Variants in WASF2 observed in about 807,000 individuals in gnomAD.
WASF2 encodes actin-binding protein WASF2.
Under a neutral mutation model 45.0 loss-of-function variants are expected in WASF2, and 14 were observed. The ratio of observed to expected loss-of-function variants is 0.31; its 90% CI spans 0.21 to 0.49. The LOEUF (loss-of-function observed/expected upper bound fraction) is 0.49, where lower values mean the gene tolerates loss of function less well. WASF2 is among the 20% of genes least tolerant of loss of function. The probability of loss-of-function intolerance (pLI) is 0.99; values close to 1 mark genes in which losing one functional copy is unlikely to be tolerated. For synonymous variants in WASF2, 200 were observed against 236.3 expected (o/e 0.85, Z 1.41); for missense variants, 439 against 636.1 (o/e 0.69, Z 3.33).
intron 1 of WASF2, chr1:27,459,443 T>C (rs2017516464): frequency 6.6e-6 from 1 of 152,138 alleles, no homozygotes; most frequent in Non-Finnish European, 1.5e-5. Context: ...CATTGAGCCA[T>C]CCTGCTGGGC....
Position 27,410,266 on chromosome 1 carries a change from A to G in WASF2, c.825-60T>C. 6.3e-7 allele frequency: 1 copy of G among 1,597,536 alleles called. No individual in the cohort carries two copies. Among genetic ancestry groups the G allele is most frequent in the South Asian group, 1.1e-5 (1 of 89,190 alleles). On this transcript the variant is annotated intron_variant, in intron 7 of 8. Coordinates refer to ENST00000618852, the MANE Select transcript of WASF2 (RefSeq NM_006990.5). The surrounding 1 kb of genome is among the most constrained non-coding windows in gnomAD (Gnocchi z 4.2). ...CCTTAGAATGCAGACACCTATCTAC[A>G]GTTAGCCTTGTCTACAGACCGAGGT...
chr1:27,450,886 GT>G (rs1402362549), intron 1 of WASF2, among the ~76,000 whole-genome samples: 2 of 151,310 alleles, frequency 1.3e-5, no homozygotes, highest in African/African-American at 4.9e-5. Context: ...GGTAGAGCTG[GT>G]GAAAATCTGG....
chr1:27,482,186 A>G (rs2017860737), intron 1 of WASF2, among the ~76,000 whole-genome samples: 1 of 152,200 alleles, frequency 6.6e-6, no homozygotes, highest in Non-Finnish European at 1.5e-5. Flanking sequence ...GACATGAATG[A>G]TTATAATGTT....
At chr1:27,429,416 A>G (rs2017031339) in intron 1 of WASF2, among the ~76,000 whole-genome samples, 1 of 152,252 alleles carries the variant, frequency 6.6e-6, no homozygotes, top group Non-Finnish European at 1.5e-5. Flanking sequence ...CAAGCTGCCA[A>G]TAGTGATTGA....
In WASF2 at chr1:27,449,163, T is replaced by C. The variant is rs116576044; in HGVS notation, c.-43-20230A>G. Among the ~76,000 whole-genome samples, 591 of 152,310 alleles carry C rather than the reference T, an allele frequency of 3.9e-3. 4 individuals carry two copies. The highest frequency in any genetic ancestry group is 0.013 in the African/African-American group (557 of 41,556). ...CTAAATATCCATAACACGTTGTCCA[T>C]GTCTATACCATCACACGGGATTAAA... is the stretch of plus-strand genomic sequence containing the variant. On this transcript the variant is annotated intron_variant, in intron 1 of 8. Transcript: ENST00000618852.
intron 1 of WASF2, among the ~76,000 whole-genome samples, chr1:27,437,896 A>C (rs1331858840): frequency 6.6e-6 from 1 of 152,204 alleles, no homozygotes; most frequent in African/African-American, 2.4e-5. Context: ...CCACACACAA[A>C]ACAAAAAAAG....
At chr1:27,440,874 T>A (rs192251051) in intron 1 of WASF2, among the ~76,000 whole-genome samples, 2 of 152,126 alleles carry the variant, frequency 1.3e-5, no homozygotes, top group East Asian at 3.9e-4. Context: ...CATAACACTT[T>A]TTTTTTTTTG....
Position 27,416,539 on chromosome 1 carries a change from G to A in WASF2, c.420-437C>T, listed in dbSNP as rs190189370. On this transcript the variant is annotated intron_variant, in intron 4 of 8. Coordinates refer to ENST00000618852, the MANE Select transcript of WASF2 (RefSeq NM_006990.5). The stretch of plus-strand genomic sequence containing the variant: ...GTAGCTTCCCACCCACTGGAAACCT[G>A]TGTGCACATGTGGGAGTTCATGTGT... 1.0e-3 allele frequency among the ~76,000 whole-genome samples: 154 copies of A among 152,220 alleles called. 1 individual carries two copies. The highest frequency in any genetic ancestry group is 1.8e-3 in the Non-Finnish European group (123 of 68,040).
intron 1 of WASF2, among the ~76,000 whole-genome samples, chr1:27,467,304 G>A (rs1269699571): frequency 2.0e-5 from 3 of 147,432 alleles, no homozygotes; most frequent in Non-Finnish European, 4.5e-5. Context: ...AAAGTTTTTC[G>A]TTTGTTTGTT....
At chr1:27,471,421 G>A (rs377238806) in intron 1 of WASF2, among the ~76,000 whole-genome samples, 4 of 151,670 alleles carry the variant, frequency 2.6e-5, no homozygotes, top group East Asian at 3.9e-4. Context: ...GAGAAGCTGT[G>A]ACGGAAGAAT....
chr1:27,413,300 G>A (rs369186857), intron 6 of WASF2, among the ~76,000 whole-genome samples: 5 of 152,190 alleles, frequency 3.3e-5, no homozygotes, highest in East Asian at 3.8e-4. Flanking sequence ...GATTAAAGTA[G>A]CGTGCTAGGG....
intron 1 of WASF2, among the ~76,000 whole-genome samples, chr1:27,451,996 C>T (rs1480970637): frequency 6.6e-6 from 1 of 152,190 alleles, no homozygotes; most frequent in Non-Finnish European, 1.5e-5. Context: ...AAACATCTTA[C>T]TGCACTGTAT....
chr1:27,408,173 C>T lies in WASF2; in HGVS notation c.*16G>A, dbSNP rs1341147158. Reference sequence around the variant, plus strand: ...AGGAAGGAAAGAAAAAGAAGGTGGGCAGCAGGCAGAAAGAGTTAATCGGAC... The same window carrying T: ...AGGAAGGAAAGAAAAAGAAGGTGGGTAGCAGGCAGAAAGAGTTAATCGGAC... On this transcript the variant is annotated 3_prime_UTR_variant, in exon 9 of 9. Coordinates refer to ENST00000618852, the MANE Select transcript of WASF2 (RefSeq NM_006990.5). 1.9e-6 allele frequency: 3 copies of T among 1,604,100 alleles called. No homozygotes were observed. Among genetic ancestry groups the T allele is most frequent in the Non-Finnish European group, 2.6e-6 (3 of 1,172,514 alleles).
chr1:27,484,391 C>T (rs930040237), intron 1 of WASF2, among the ~76,000 whole-genome samples: 2 of 152,102 alleles, frequency 1.3e-5, no homozygotes, highest in African/African-American at 4.8e-5. Flanking sequence ...AATAAAAATA[C>T]TCAAAATTAA....
rs202185200 is a variant in WASF2 at position 27,445,498 on chromosome 1, G to GA, written c.-43-16566dup. ...ATTCCAGACTAGTTTATCTCCCATG[G>GA]AAAAAAGACTGCATGCTAACACAAG... On this transcript the variant is annotated intron_variant, in intron 1 of 8. Coordinates refer to ENST00000618852, the MANE Select transcript of WASF2 (RefSeq NM_006990.5). Among the ~76,000 whole-genome samples, 1,189 of 152,188 alleles carry GA rather than the reference G, an allele frequency of 7.8e-3. 61 individuals are homozygous for GA. The highest frequency in any genetic ancestry group is 0.072 in the Admixed American group (1,101 of 15,286).
intron 4 of WASF2, 82 bp from the exon 5 acceptor site, chr1:27,416,184 T>A (rs2016824126): frequency 8.5e-7 from 1 of 1,180,758 alleles, no homozygotes; most frequent in Non-Finnish European, 1.3e-6. Flanking sequence ...ACCTACCAGT[T>A]AGCAGTTTTT....
chr1:27,487,721 CATT>C (rs1158312474), intron 1 of WASF2, among the ~76,000 whole-genome samples: 16 of 106,214 alleles, frequency 1.5e-4, no homozygotes, highest in Non-Finnish European at 5.2e-5. Flanking sequence ...TAATGTATAT[CATT>C]ATATTATATA....
At chr1:27,430,463 C>T (rs780987485) in intron 1 of WASF2, among the ~76,000 whole-genome samples, 12 of 152,084 alleles carry the variant, frequency 7.9e-5, no homozygotes, top group Admixed American at 2.0e-4. Flanking sequence ...TGGGCTCAAG[C>T]GATCCTCCTG....
chr1:27,413,135 C>T (rs2016786183), intron 6 of WASF2, among the ~76,000 whole-genome samples: 1 of 152,206 alleles, frequency 6.6e-6, no homozygotes, highest in African/African-American at 2.4e-5. Context: ...ACGTGACTGG[C>T]ACACAGACTG....
Sources: gnomAD v4.1 joint callset for allele counts (sites outside exome capture counted in the v4.1 genomes callset) on GRCh38, gnomAD v4.1.1 for gene constraint, Gnocchi (gnomAD v3.1) non-coding constraint, MANE v1.5 for transcripts, NCBI Gene and HGNC (gene_info 2026-07-23, HGNC 2026-07-21) for gene names.